Variants in CCDC7 observed in about 807,000 individuals in gnomAD.
The protein encoded by CCDC7 is coiled-coil domain containing 7.
CCDC7 carries 183 observed loss-of-function variants against 196.9 expected under a neutral mutation model. The observed-to-expected ratio is 0.93, with a 90% confidence interval of 0.82 to 1.05. The LOEUF (loss-of-function observed/expected upper bound fraction) is 1.05, where lower values mean the gene tolerates loss of function less well. CCDC7 is among the 50% of genes least tolerant of loss of function. The pLI, the probability that CCDC7 is intolerant of heterozygous loss-of-function variation, is 0.00. For synonymous variants in CCDC7, 525 were observed against 484.6 expected (o/e 1.08, Z -1.10); for missense variants, 1,540 against 1,482.2 (o/e 1.04, Z -0.64).
intron 18 of CCDC7, among the ~76,000 whole-genome samples, chr10:32,594,797 G>A (rs1005007549): frequency 1.1e-4 from 16 of 152,074 alleles, no homozygotes; most frequent in South Asian, 2.1e-4. Flanking sequence ...TTCTGCATCT[G>A]TTGAGATAAT....
At chr10:32,742,527 CTGACCTTTT>C (rs2133195919) in intron 28 of CCDC7, among the ~76,000 whole-genome samples, 1 of 152,338 alleles carries the variant, frequency 6.6e-6, no homozygotes, top group South Asian at 2.1e-4. Flanking sequence ...CTCACAACCA[CTGACCTTTT>C]TGTTGTGTCC....
At chr10:32,672,056 G>T (rs570697174) in intron 21 of CCDC7, among the ~76,000 whole-genome samples, 1 of 152,268 alleles carries the variant, frequency 6.6e-6, no homozygotes, top group South Asian at 2.1e-4. Context: ...ATGAGTATTT[G>T]ATTAGTGGTG....
At chr10:32,638,273 T>G (rs1286238627) in intron 20 of CCDC7, among the ~76,000 whole-genome samples, 2 of 152,220 alleles carry the variant, frequency 1.3e-5, no homozygotes, top group Non-Finnish European at 2.9e-5. Flanking sequence ...CTAAGTTGAA[T>G]AGGAGTCGTG....
intron 40 of CCDC7, among the ~76,000 whole-genome samples, 174 bp downstream of exon 41, chr10:32,852,106 G>T (rs958822458): frequency 6.6e-6 from 1 of 152,184 alleles, no homozygotes; most frequent in African/African-American, 2.4e-5. Context: ...ATGAGTAGTT[G>T]TCCCTGGCAT....
At chr10:32,874,329 C>A (rs372071429) in intron 41 of CCDC7, among the ~76,000 whole-genome samples, 2 of 151,448 alleles carry the variant, frequency 1.3e-5, no homozygotes, top group African/African-American at 4.8e-5. Flanking sequence ...GGTCTTTTGT[C>A]CCCTGGCTGA....
At chr10:32,815,695 T>G (rs1221026970) in intron 31 of CCDC7, among the ~76,000 whole-genome samples, 7 of 152,192 alleles carry the variant, frequency 4.6e-5, no homozygotes, top group African/African-American at 1.4e-4. Flanking sequence ...ATGACCAGAC[T>G]AATCACTGTA....
chr10:32,751,687 A>C (rs993617340), intron 28 of CCDC7, among the ~76,000 whole-genome samples: 7 of 152,168 alleles, frequency 4.6e-5, no homozygotes, highest in African/African-American at 1.7e-4. Context: ...ATAGTAACCA[A>C]GACTTCACCT....
At chr10:32,448,018 A>G (rs531228956), upstream of CCDC7, among the ~76,000 whole-genome samples, 2 of 152,334 alleles carry the variant, frequency 1.3e-5, no homozygotes, top group Admixed American at 6.5e-5. Context: ...TTCTTCCTTC[A>G]AATGGATTTT....
intron 28 of CCDC7, among the ~76,000 whole-genome samples, chr10:32,744,317 C>T (rs949167695): frequency 1.1e-4 from 17 of 150,590 alleles, no homozygotes; most frequent in African/African-American, 3.2e-4. Context: ...AAAATATTAC[C>T]GTAGCAGAAA....
At chr10:32,666,769 C>G (rs1220383863) in intron 21 of CCDC7, among the ~76,000 whole-genome samples, 3 of 152,076 alleles carry the variant, frequency 2.0e-5, no homozygotes. Context: ...TTAATTCAGT[C>G]TATCATTGTT....
chr10:32,526,599 G>A (rs2048713926), intron 11 of CCDC7, among the ~76,000 whole-genome samples: 1 of 152,056 alleles, frequency 6.6e-6, no homozygotes, highest in Non-Finnish European at 1.5e-5. Context: ...GTTATTCAGG[G>A]CCCAGGGCTC....
At chr10:32,828,398 A>AAGAAGG (rs141971427) in intron 32 of CCDC7, among the ~76,000 whole-genome samples, 5 of 131,844 alleles carry the variant, frequency 3.8e-5, no homozygotes, top group Admixed American at 1.6e-4. Flanking sequence ...AAAAAAGAAG[A>AAGAAGG]AGAAGGAGAA....
At chr10:32,623,212 A>T (rs1024165707) in intron 18 of CCDC7, among the ~76,000 whole-genome samples, 1 of 152,190 alleles carries the variant, frequency 6.6e-6, no homozygotes, top group Non-Finnish European at 1.5e-5. Flanking sequence ...TTCTTTTGTG[A>T]ATTCAGGAAT....
chr10:32,611,631 C>G lies in CCDC7; in HGVS notation c.1802-22623C>G, dbSNP rs893380915. ...AAGGAAGGGATCCAGTTTCAGTTTT[C>G]TGCCTATGGCTAGCCACTTTTCTCA... On this transcript the variant is annotated intron_variant, in intron 18 of 41. Coordinates refer to ENST00000639629, the Ensembl canonical transcript of CCDC7. Among the ~76,000 whole-genome samples the G allele has an allele frequency of 2.0e-5, 3 of 152,216 alleles. No homozygotes were observed. The South Asian group carries it at 6.2e-4, about 32-fold the overall frequency.
chr10:32,474,228 T>C (rs917098527), intron 8 of CCDC7, among the ~76,000 whole-genome samples: 77 of 130,546 alleles, frequency 5.9e-4, no homozygotes, highest in Admixed American at 2.5e-3. Context: ...TTTTTTTTTT[T>C]TTTTTTTTTT....
At chr10:32,566,039 C>T (rs1484057638) in intron 14 of CCDC7, among the ~76,000 whole-genome samples, 1 of 151,476 alleles carries the variant, frequency 6.6e-6, no homozygotes, top group Non-Finnish European at 1.5e-5. Flanking sequence ...TTAAATAATA[C>T]AACAAGAAAT....
At chr10:32,846,081 G>T (rs2093279643) in intron 36 of CCDC7, 122 bp downstream of exon 37, 1 of 788,184 alleles carries the variant, frequency 1.3e-6, no homozygotes, top group Admixed American at 2.3e-5. Flanking sequence ...AGCAAAAGAT[G>T]CTATTGGAAG....
At chr10:32,595,785 T>G (rs1015372143) in intron 18 of CCDC7, among the ~76,000 whole-genome samples, 2 of 152,250 alleles carry the variant, frequency 1.3e-5, no homozygotes, top group African/African-American at 4.8e-5. Flanking sequence ...TATTTCTGCC[T>G]TCATTTTGTT....
At chr10:32,528,039 T>A (rs1217042723) in intron 11 of CCDC7, among the ~76,000 whole-genome samples, 2 of 152,154 alleles carry the variant, frequency 1.3e-5, no homozygotes, top group Non-Finnish European at 2.9e-5. Context: ...GCCTACCCAC[T>A]GACCCTTCCA....
Sources: gnomAD v4.1 joint callset for allele counts (sites outside exome capture counted in the v4.1 genomes callset) on GRCh38, gnomAD v4.1.1 for gene constraint, MANE v1.5 for transcripts, NCBI Gene and HGNC (gene_info 2026-07-23, HGNC 2026-07-21) for gene names.